The following ADIRF variants were observed in gnomAD, a reference collection of about 807,000 sequenced individuals.
ADIRF encodes the protein adipogenesis regulatory factor.
A neutral mutation model predicts 7.8 loss-of-function variants in ADIRF; 9 were observed. That is an observed-to-expected ratio of 1.15 (90% CI 0.70 to 2.01). ADIRF has a LOEUF of 2.01. Ranked by LOEUF, ADIRF falls within the 30% of genes most tolerant of loss-of-function variation. The probability of loss-of-function intolerance (pLI) is 0.00; values close to 1 mark genes in which losing one functional copy is unlikely to be tolerated. For synonymous variants in ADIRF, 48 were observed against 39.9 expected, an observed-to-expected ratio of 1.20 and a Z score of -0.77; for missense variants, 106 against 98.1, an observed-to-expected ratio of 1.08 and a Z score of -0.34.
chr10:86,970,279 G>A lies in ADIRF; in HGVS notation c.124+17G>A, dbSNP rs776222848. 1 of 1,473,856 alleles carries A rather than the reference G, an allele frequency of 6.8e-7. No individual in the cohort carries two copies. The highest frequency in any genetic ancestry group is 9.0e-7 in the Non-Finnish European group (1 of 1,109,208). The allele number at this position is 1,473,856 out of a possible 1,614,324, so 91.3% of individuals were successfully genotyped here. ...GGCAGAAAGGTCTGGTGGGGCTGGAGGGAGGCGGGCAACCCCAGCACACCT... is the reference window on the plus strand; with the variant it reads ...GGCAGAAAGGTCTGGTGGGGCTGGAAGGAGGCGGGCAACCCCAGCACACCT... On this transcript the variant is annotated intron_variant, in intron 2 of 2. Transcript: ENST00000372013.
Position 86,970,642 on chromosome 10 carries a change from C to G in ADIRF, c.*60C>G. ...CAGCAGGGAGACTTGGGTGACCCCC[C>G]TTCCAGGCGCCATCTAGCACAGCCT... On this transcript the variant is annotated 3_prime_UTR_variant, in exon 3 of 3. Transcript: ENST00000372013. 7.2e-7 allele frequency: 1 copy of G among 1,398,306 alleles called. No individual in the cohort carries two copies. The highest frequency in any genetic ancestry group is 1.0e-6 in the Non-Finnish European group (1 of 1,004,198). The allele number at this position is 1,398,306 out of a possible 1,614,324, so 86.6% of individuals were successfully genotyped here.
rs753835670 is a variant in ADIRF, at chr10:86,968,613, T to C, written c.61+8T>C. On this transcript the variant is annotated splice_region_variant and intron_variant, in intron 1 of 2. Coordinates refer to ENST00000372013, the MANE Select transcript of ADIRF (RefSeq NM_006829.3). Reference sequence around the variant, plus strand: ...GGACCGCCCAGGAAGCCGGTGAGGATAGCGCGCGACCTAGGGCTCAGGCAG... The same window carrying C: ...GGACCGCCCAGGAAGCCGGTGAGGACAGCGCGCGACCTAGGGCTCAGGCAG... The C allele has an allele frequency of 6.2e-6, 10 of 1,612,526 alleles. No individual in the cohort carries two copies. The highest frequency in any genetic ancestry group is 2.2e-5 in the South Asian group (2 of 90,960).
chr10:86,968,926 G>T (rs987508036), intron 1 of ADIRF: 9 of 325,984 alleles, frequency 2.8e-5, no homozygotes, highest in Non-Finnish European at 4.4e-5. Flanking sequence ...CCAGGACAGG[G>T]ATCGGGCGCG....
intron 1 of ADIRF, chr10:86,968,952 A>C: frequency 1.5e-5 from 4 of 268,748 alleles, no homozygotes; most frequent in Non-Finnish European, 6.9e-6. Context: ...CCACCACTTA[A>C]ACCCGCGCGC....
At chr10:86,968,683 G>A in intron 1 of ADIRF, 78 bp downstream of exon 1, 1 of 1,520,256 alleles carries the variant, frequency 6.6e-7, no homozygotes, top group South Asian at 1.2e-5. Flanking sequence ...GGTCGGCGCG[G>A]TCCGCAAGTT....
intron 1 of ADIRF, chr10:86,969,557 C>T (rs11202278): frequency 0.49 from 75,054 of 152,174 alleles, 19,618 homozygotes; most frequent in East Asian, 0.79. Context: ...GTCAGCCCCC[C>T]CGGGGCTGGT....
At chr10:86,970,350 C>T in intron 2 of ADIRF, 88 bp downstream of exon 2, 1 of 1,504,628 alleles carries the variant, frequency 6.6e-7, no homozygotes, top group South Asian at 1.2e-5. Context: ...ACATCCTCTC[C>T]TCTGCAGAGC....
At chr10:86,970,419 C>A in intron 2 of ADIRF, 57 bp from the exon 3 acceptor site, 1 of 1,545,176 alleles carries the variant, frequency 6.5e-7, no homozygotes, top group Non-Finnish European at 8.8e-7. Context: ...GCTAAGCCTA[C>A]AGGCACTGTG....
In ADIRF at chr10:86,970,667, T is replaced by C; in HGVS notation, c.*85T>C. On this transcript the variant is annotated 3_prime_UTR_variant, in exon 3 of 3. Transcript: ENST00000372013. ...CTTCCAGGCGCCATCTAGCACAGCC[T>C]GGCCCTGATCTCCGGGCAGCCACCA... is the stretch of plus-strand genomic sequence containing the variant. 1 of 1,186,770 alleles carries C rather than the reference T, an allele frequency of 8.4e-7. No individual in the cohort carries two copies. The highest frequency in any genetic ancestry group is 2.6e-5 in the East Asian group (1 of 39,060). 73.5% of individuals were successfully genotyped at this position (1,186,770 alleles called of 1,614,324 possible).
chr10:86,970,124 G>A, intron 1 of ADIRF, 76 bp from the exon 2 acceptor site: 3 of 1,341,080 alleles, frequency 2.2e-6, no homozygotes, highest in Non-Finnish European at 3.0e-6. Flanking sequence ...GGAGGACACA[G>A]AGGCATGGCA....
chr10:86,969,954 G>A lies in ADIRF; in HGVS notation c.62-246G>A, dbSNP rs560110175. On this transcript the variant is annotated intron_variant, in intron 1 of 2. Coordinates refer to ENST00000372013, the MANE Select transcript of ADIRF (RefSeq NM_006829.3). ...TTCTCAGTAGCCCTGGAGATGGAAA[G>A]GGAAGCTCCTCCCCCACAGAGAAGG... The A allele has an allele frequency of 5.1e-5, 17 of 334,448 alleles. No individual in the cohort carries two copies. In the East Asian group the frequency reaches 6.8e-4, roughly 13 times the overall value. The allele number at this position is 334,448 out of a possible 1,614,324, so 20.7% of individuals were successfully genotyped here. A position where few individuals can be genotyped will look rare whatever the true frequency, so the allele number is the denominator to read the frequency against.
rs779522585 is a variant in ADIRF, at chr10:86,970,240, G to T, written c.102G>T (p.Gln34His). ...AGAAAQQVVD[Q>H]ATEAGQKAMD... The stretch of plus-strand genomic sequence containing the variant: ...CGGCAGCTCAGCAAGTGGTGGACCA[G>T]GCCACAGAGGCGGGGCAGAAAGGTC... The change falls in exon 2 of 3, where the codon CAG becomes CAT. Residue 34 changes from glutamine (Q) to histidine (H), a missense_variant. Coordinates refer to ENST00000372013, the MANE Select transcript of ADIRF (RefSeq NM_006829.3). 2 of 1,462,104 alleles carry T rather than the reference G, an allele frequency of 1.4e-6. No individual in the cohort carries two copies. Among genetic ancestry groups the T allele is most frequent in the East Asian group, 4.9e-5 (2 of 40,586 alleles). The allele number at this position is 1,462,104 out of a possible 1,614,324, so 90.6% of individuals were successfully genotyped here.
In ADIRF at chr10:86,970,634, TGA is replaced by T; in HGVS notation, c.*53_*54del. 3.4e-6 allele frequency: 5 copies of T among 1,472,796 alleles called. No homozygotes were observed. Among genetic ancestry groups the T allele is most frequent in the South Asian group, 1.2e-5 (1 of 83,446 alleles). 91.2% of individuals were successfully genotyped at this position (1,472,796 alleles called of 1,614,324 possible). A position where few individuals can be genotyped will look rare whatever the true frequency, so the allele number is the denominator to read the frequency against. ...TGAAATGACAGCAGGGAGACTTGGG[TGA>T]CCCCCCTTCCAGGCGCCATCTAGCA... On this transcript the variant is annotated 3_prime_UTR_variant, in exon 3 of 3. Coordinates refer to ENST00000372013, the MANE Select transcript of ADIRF (RefSeq NM_006829.3).
In ADIRF at chr10:86,969,839, G is replaced by A. The variant is rs562479986; in HGVS notation, c.62-361G>A. On this transcript the variant is annotated intron_variant, in intron 1 of 2. Coordinates refer to ENST00000372013, the MANE Select transcript of ADIRF (RefSeq NM_006829.3). ...GGGAGAAGCTGTAAAAGGGGGCAAG[G>A]GTCTTCTGCGCCATCACCAGCATTA... 3 of 174,320 alleles carry A rather than the reference G, an allele frequency of 1.7e-5. No individual in the cohort carries two copies. In the East Asian group the frequency reaches 4.5e-4, roughly 26 times the overall value. 10.8% of individuals were successfully genotyped at this position (174,320 alleles called of 1,614,324 possible). A position where few individuals can be genotyped will look rare whatever the true frequency, so the allele number is the denominator to read the frequency against.
In ADIRF at chr10:86,970,882, A is replaced by AAGCTCCCAG; in HGVS notation, c.*302_*310dup. ...TTTCCATCCCGCCACGCGCCTCCCG[A>AAGCTCCCAG]AGCTCCCAGACCGGAGGCTCAGCCC... On this transcript the variant is annotated 3_prime_UTR_variant, in exon 3 of 3. Transcript: ENST00000372013. 2.1e-6 allele frequency: 1 copy of AAGCTCCCAG among 474,754 alleles called. No individual in the cohort carries two copies. Among genetic ancestry groups the AAGCTCCCAG allele is most frequent in the Non-Finnish European group, 4.2e-6 (1 of 240,654 alleles). The allele number at this position is 474,754 out of a possible 1,614,324, so 29.4% of individuals were successfully genotyped here.
At position 86,968,619 on chromosome 10, in the gene ADIRF, G is replaced by T; in HGVS notation, c.61+14G>T. 6.2e-7 allele frequency: 1 copy of T among 1,610,596 alleles called. No homozygotes were observed. The highest frequency in any genetic ancestry group is 8.5e-7 in the Non-Finnish European group (1 of 1,178,818). ...CCCAGGAAGCCGGTGAGGATAGCGC[G>T]CGACCTAGGGCTCAGGCAGGGGCAC... is the stretch of plus-strand genomic sequence containing the variant. On this transcript the variant is annotated intron_variant, in intron 1 of 2. Transcript: ENST00000372013.
In ADIRF at chr10:86,970,209, C is replaced by CCGGAG; in HGVS notation, c.75_79dup (p.Ala27GlufsTer51). 9 of 1,454,632 alleles carry CCGGAG rather than the reference C, an allele frequency of 6.2e-6. No homozygotes were observed. Among genetic ancestry groups the CCGGAG allele is most frequent in the Non-Finnish European group, 8.2e-6 (9 of 1,100,564 alleles). The allele number at this position is 1,454,632 out of a possible 1,614,324, so 90.1% of individuals were successfully genotyped here. The stretch of plus-strand genomic sequence containing the variant: ...CATCTCTCTGTTCCAGTGTCAGCGG[C>CCGGAG]CGGAGCGGCAGCTCAGCAAGTGGTG... On this transcript the variant is annotated frameshift_variant, in exon 2 of 3. Transcript: ENST00000372013. LOFTEE classifies it high-confidence loss of function.
chr10:86,970,597 G>A lies in ADIRF; in HGVS notation c.*15G>A, dbSNP rs745316875. 2 of 1,590,748 alleles carry A rather than the reference G, an allele frequency of 1.3e-6. No individual in the cohort carries two copies. Among genetic ancestry groups the A allele is most frequent in the African/African-American group, 2.7e-5 (2 of 74,422 alleles). ...TCCTGAAATGACAGCAGGGAGACTT[G>A]GGTCGGCCTCCTGAAATGACAGCAG... On this transcript the variant is annotated 3_prime_UTR_variant, in exon 3 of 3. Coordinates refer to ENST00000372013, the MANE Select transcript of ADIRF (RefSeq NM_006829.3).
intron 1 of ADIRF, 199 bp downstream of exon 1, chr10:86,968,804 A>T: frequency 1.7e-6 from 1 of 578,182 alleles, no homozygotes; most frequent in Non-Finnish European, 2.9e-6. Flanking sequence ...GAGGCAGCGG[A>T]ACAGAGGCTC....
Sources: allele counts gnomAD v4.1 joint callset, GRCh38; gene constraint gnomAD v4.1.1; transcripts MANE v1.5; gene names NCBI Gene and HGNC (gene_info 2026-07-23, HGNC 2026-07-21).